The following SLC24A5 variants were observed in gnomAD, a reference collection of about 807,000 sequenced individuals.
SLC24A5 encodes solute carrier family 24 member 5.
Under a neutral mutation model 51.6 loss-of-function variants are expected in SLC24A5, and 46 were observed. That is an observed-to-expected ratio of 0.89 (90% CI 0.70 to 1.14). SLC24A5 has a LOEUF of 1.14. Ranked by LOEUF, SLC24A5 falls within the 50% of genes most tolerant of loss-of-function variation. The pLI is 0.00. For synonymous variants in SLC24A5, 230 were observed against 214.9 expected (o/e 1.07, Z -0.62); for missense variants, 581 against 604.1 (o/e 0.96, Z 0.40).
chr15:48,136,642 C>T (rs760627281), intron 5 of SLC24A5, 41 bp from the exon 6 acceptor site: 3 of 1,541,116 alleles, frequency 1.9e-6, no homozygotes, highest in East Asian at 4.5e-5. Flanking sequence ...TCTAAAATGA[C>T]TTTCACTTTT....
At chr15:48,137,099 C>A in intron 6 of SLC24A5, 136 bp downstream of exon 6, 1 of 907,830 alleles carries the variant, frequency 1.1e-6, no homozygotes, top group Non-Finnish European at 1.6e-6. Flanking sequence ...AAGACCAAGT[C>A]CCTACCTTTA....
In SLC24A5 at chr15:48,121,120, C is replaced by T. The variant is rs375636474; in HGVS notation, c.76C>T (p.Pro26Ser). Residue 26 changes from proline to serine, a missense_variant, in exon 1 of 9, where the codon CCT becomes TCT. Transcript: ENST00000341459. ...CATCCTGTGGGCCACTGCACATCTG[C>T]CTCTCTCAGGGACCTCCCTGCCCCA... Reference protein sequence around the residue: ...LGILWATAHLPLSGTSLPQRL... With the variant: ...LGILWATAHLSLSGTSLPQRL... 1.2e-5 allele frequency: 19 copies of T among 1,613,836 alleles called. No homozygotes were observed. In the East Asian group the frequency reaches 2.9e-4, roughly 25 times the overall value.
Position 48,139,067 on chromosome 15 carries a change from G to C in SLC24A5, c.970G>C (p.Asp324His), listed in dbSNP as rs759147814. The change falls in exon 7 of 9, where the codon GAT (aspartate) becomes CAT (histidine). Residue 324 changes from aspartate (D) to histidine (H), a missense_variant. By Grantham distance (81) the Asp-to-His change is moderately conservative. Transcript: ENST00000341459. Reference sequence around the variant, plus strand: ...TACATTACTTTTTCTAACCACACCAGATTGTAGAAAAAAGTTTTGGAAAAA... The same window carrying C: ...TACATTACTTTTTCTAACCACACCACATTGTAGAAAAAAGTTTTGGAAAAA... ...IITLLFLTTP[D>H]CRKKFWKNYF... 5.6e-6 allele frequency: 9 copies of C among 1,612,978 alleles called. No homozygotes were observed.
At position 48,131,392 on chromosome 15, in the gene SLC24A5, C is replaced by T. The variant is rs967686462; in HGVS notation, c.302-2866C>T. Among the ~76,000 whole-genome samples the T allele has an allele frequency of 2.6e-5, 4 of 151,982 alleles. No homozygotes were observed. The East Asian group carries it at 7.7e-4, about 29-fold the overall frequency. On this transcript the variant is annotated intron_variant, in intron 2 of 8. Coordinates refer to ENST00000341459, the MANE Select transcript of SLC24A5 (RefSeq NM_205850.3). ...TCCAAATCTCATGTTGAAATTTGAT[C>T]CTAAATGTTGGAGGTGGGGAGTAAT...
intron 2 of SLC24A5, among the ~76,000 whole-genome samples, chr15:48,128,924 T>C (rs1296715430): frequency 6.6e-6 from 1 of 152,190 alleles, no homozygotes. Flanking sequence ...CTTCTTGGTG[T>C]CAAAAAGATC....
chr15:48,134,943 A>G lies in SLC24A5; in HGVS notation c.549A>G (p.Ala183=). Residue 183 remains alanine (A), a synonymous_variant, in exon 5 of 9, where the codon GCA becomes GCG. Coordinates refer to ENST00000341459, the MANE Select transcript of SLC24A5 (RefSeq NM_205850.3). ...FRDCAAYTIS[A]AAVLGIIYDN... ...ACTGTGCAGCGTACACAATTAGTGC[A>G]GCAGCAGTTCTTGGTATAATATATG... 6.2e-7 allele frequency: 1 copy of G among 1,612,344 alleles called. No homozygotes were observed. The highest frequency in any genetic ancestry group is 8.5e-7 in the Non-Finnish European group (1 of 1,178,762).
At chr15:48,123,183 G>C (rs906290790) in intron 2 of SLC24A5, 1 of 151,434 alleles carries the variant, frequency 6.6e-6, no homozygotes, top group Non-Finnish European at 1.5e-5. Flanking sequence ...ATATATGATA[G>C]ATTAGCCTAA....
intron 5 of SLC24A5, 87 bp downstream of exon 5, chr15:48,135,071 C>A: frequency 9.8e-7 from 1 of 1,025,224 alleles, no homozygotes; most frequent in East Asian, 2.6e-5. Flanking sequence ...AATGTTATTT[C>A]AGTCACTTAA....
rs1214350518 is a variant in SLC24A5 at position 48,141,248 on chromosome 15, T to G, written c.1180+34T>G. The G allele has an allele frequency of 2.7e-6, 4 of 1,492,218 alleles. No homozygotes were observed. The South Asian group carries it at 4.5e-5, about 17-fold the overall frequency. The allele number at this position is 1,492,218 out of a possible 1,614,324, so 92.4% of individuals were successfully genotyped here. On this transcript the variant is annotated intron_variant, in intron 8 of 8. Coordinates refer to ENST00000341459, the MANE Select transcript of SLC24A5 (RefSeq NM_205850.3). ...TAGGTCCCTCAAGCTGCAATGGTCA[T>G]TCTACAAGGCTAGAATGAGTAAAAG... is the stretch of plus-strand genomic sequence containing the variant.
intron 8 of SLC24A5, 166 bp from the exon 9 acceptor site, chr15:48,141,863 C>T: frequency 2.2e-6 from 1 of 457,974 alleles, no homozygotes; most frequent in Non-Finnish European, 3.8e-6. Context: ...AAATACTAAC[C>T]CAAGAAAAAT....
intron 2 of SLC24A5, among the ~76,000 whole-genome samples, chr15:48,132,638 G>T (rs1027220415): frequency 6.6e-6 from 1 of 151,990 alleles, no homozygotes; most frequent in Non-Finnish European, 1.5e-5. Context: ...TCTCACTCAG[G>T]GTCTCTTGTG....
intron 2 of SLC24A5, among the ~76,000 whole-genome samples, chr15:48,130,386 T>G (rs1052676090): frequency 2.6e-5 from 4 of 152,160 alleles, no homozygotes; most frequent in African/African-American, 4.8e-5. Context: ...TGTTAAAATA[T>G]CTTTAAGTTT....
chr15:48,128,618 C>T (rs2038756836), intron 2 of SLC24A5, among the ~76,000 whole-genome samples: 1 of 152,002 alleles, frequency 6.6e-6, no homozygotes, highest in African/African-American at 2.4e-5. Flanking sequence ...GATTTTTAAT[C>T]CTCATGAAAT....
chr15:48,121,245 G>A, intron 1 of SLC24A5, 80 bp downstream of exon 1: 1 of 1,454,890 alleles, frequency 6.9e-7, no homozygotes, highest in Non-Finnish European at 9.2e-7. Context: ...GGGACAAAAA[G>A]AGGAAAATTC....
Position 48,121,053 on chromosome 15 carries a change from A to G in SLC24A5, c.9A>G (p.Thr3=). The change falls in exon 1 of 9, where the codon ACA becomes ACG. Residue 3 remains threonine (T), a synonymous_variant. Coordinates refer to ENST00000341459, the MANE Select transcript of SLC24A5 (RefSeq NM_205850.3). ...GTAAGAGCACAGCAGAAATGCAGAC[A>G]AAAGGGGGCCAAACATGGGCGAGAA... is the stretch of plus-strand genomic sequence containing the variant. The part of the protein sequence containing the change: MQ[T]KGGQTWARRA... The G allele has an allele frequency of 1.9e-6, 3 of 1,613,574 alleles. No individual in the cohort carries two copies. Among genetic ancestry groups the G allele is most frequent in the Non-Finnish European group, 2.5e-6 (3 of 1,179,718 alleles).
intron 2 of SLC24A5, among the ~76,000 whole-genome samples, chr15:48,132,622 G>C (rs2038802130): frequency 6.6e-6 from 1 of 152,092 alleles, no homozygotes; most frequent in Admixed American, 6.6e-5. Context: ...AGCTAAGCTA[G>C]GTAGTTCTCA....
intron 2 of SLC24A5, among the ~76,000 whole-genome samples, chr15:48,127,454 G>A (rs1475910798): frequency 6.6e-6 from 1 of 152,178 alleles, no homozygotes; most frequent in Non-Finnish European, 1.5e-5. Context: ...TAGGAAGTAA[G>A]CTTATTAAAC....
chr15:48,131,539 C>T (rs940208693), intron 2 of SLC24A5, among the ~76,000 whole-genome samples: 3 of 151,936 alleles, frequency 2.0e-5, no homozygotes, highest in African/African-American at 7.3e-5. Flanking sequence ...CTCTTACTTC[C>T]TCTCTCACCA....
chr15:48,135,049 T>C, intron 5 of SLC24A5, 65 bp downstream of exon 5: 1 of 1,285,480 alleles, frequency 7.8e-7, no homozygotes, highest in Non-Finnish European at 1.1e-6. Context: ...GGTTCAGTAA[T>C]TTTTTTTCAG....
Sources: gnomAD v4.1 joint callset for allele counts (sites outside exome capture counted in the v4.1 genomes callset) on GRCh38, gnomAD v4.1.1 for gene constraint, MANE v1.5 for transcripts, NCBI Gene and HGNC (gene_info 2026-07-23, HGNC 2026-07-21) for gene names.